GLRA2: variants seen among roughly 807,000 people sequenced by gnomAD.
The protein encoded by GLRA2 is glycine receptor subunit alpha-2.
GLRA2 carries 11 observed loss-of-function variants against 31.6 expected under a neutral mutation model. The ratio of observed to expected loss-of-function variants is 0.35; its 90% CI spans 0.22 to 0.58. GLRA2 has a LOEUF of 0.58. Ranked by LOEUF, GLRA2 falls within the 20% of genes least tolerant of loss-of-function variation. The pLI is 0.84. For missense variants in GLRA2, 212 were observed against 351.8 expected (o/e 0.60, Z 3.18); for synonymous variants, 132 against 134.0 (o/e 0.99, Z 0.10).
chrX:14,509,418 T>C, the GLRA2 span, among the ~76,000 whole-genome samples: 1 of 112,824 alleles, frequency 8.9e-6, no homozygotes, highest in Admixed American at 9.4e-5. Flanking sequence ...GGACCACCTT[T>C]CATTGATCAG....
chrX:14,472,419 A>G, the GLRA2 span, among the ~76,000 whole-genome samples: 1 of 111,299 alleles, frequency 9.0e-6, no homozygotes, highest in Non-Finnish European at 1.9e-5. Flanking sequence ...TTTGTTACAT[A>G]GGTAAATGTG....
chrX:14,501,097 C>T, the GLRA2 span, among the ~76,000 whole-genome samples: 1 of 108,630 alleles, frequency 9.2e-6, no homozygotes, highest in African/African-American at 3.4e-5. Context: ...AAGATTTATC[C>T]TACCTGCTAC....
At chrX:14,539,840 A>T (rs1483684790) in intron 2 of GLRA2, among the ~76,000 whole-genome samples, 1 of 111,766 alleles carries the variant, frequency 8.9e-6, no homozygotes, top group Non-Finnish European at 1.9e-5. Context: ...TTTTCTGATG[A>T]TGGTGGAACA....
chrX:14,723,366 T>TA (rs778745943), intron 8 of GLRA2, among the ~76,000 whole-genome samples: 1 of 112,173 alleles, frequency 8.9e-6, no homozygotes, highest in Non-Finnish European at 1.9e-5. Context: ...GCTCTCTACC[T>TA]ATACCACCAC....
the GLRA2 span, among the ~76,000 whole-genome samples, chrX:14,456,118 G>T: frequency 2.9e-4 from 32 of 111,483 alleles, no homozygotes; most frequent in African/African-American, 9.4e-4. Flanking sequence ...TGGCCTTTGT[G>T]GGGGAAGAAA....
chrX:14,565,995 T>C (rs769815515), intron 2 of GLRA2, among the ~76,000 whole-genome samples: 46 of 111,173 alleles, frequency 4.1e-4, no homozygotes, highest in African/African-American at 1.3e-3. Flanking sequence ...AGACAGAGAA[T>C]AGAAAAAGAG....
the GLRA2 span, among the ~76,000 whole-genome samples, chrX:14,470,842 A>G: frequency 8.9e-6 from 1 of 112,202 alleles, no homozygotes; most frequent in Non-Finnish European, 1.9e-5. Flanking sequence ...TATCACTGAT[A>G]TTTAAAGGAC....
At chrX:14,690,975 G>T in intron 8 of GLRA2, 116 bp downstream of exon 8, 1 of 784,687 alleles carries the variant, frequency 1.3e-6, no homozygotes, top group South Asian at 2.5e-5. Context: ...TTTTTGTTCT[G>T]ATTTGTCCTA....
At chrX:14,696,176 G>C (rs1267117452) in intron 8 of GLRA2, among the ~76,000 whole-genome samples, 1 of 101,977 alleles carries the variant, frequency 9.8e-6, no homozygotes, top group East Asian at 3.1e-4. Flanking sequence ...GAGAAGAAGG[G>C]AGGGAGAGTG....
the GLRA2 span, among the ~76,000 whole-genome samples, chrX:14,517,790 T>C: frequency 2.7e-5 from 3 of 110,896 alleles, no homozygotes; most frequent in Admixed American, 9.6e-5. Context: ...AGGAAAAAGA[T>C]GAATAAATGT....
chrX:14,622,464 T>C (rs2090532471), intron 7 of GLRA2, among the ~76,000 whole-genome samples: 2 of 112,173 alleles, frequency 1.8e-5, no homozygotes, highest in South Asian at 7.5e-4. Context: ...TGGTATTGCC[T>C]AGGTTTTCTT....
chrX:14,560,483 T>A (rs1000892431), intron 2 of GLRA2, among the ~76,000 whole-genome samples: 1 of 111,759 alleles, frequency 8.9e-6, no homozygotes, highest in Admixed American at 9.5e-5. Flanking sequence ...CCAATGTTTA[T>A]TTTTAAATAG....
Position 14,609,024 on chromosome X carries a change from T to G in GLRA2, c.749T>G (p.Leu250Arg). 8.5e-7 allele frequency: 1 copy of G among 1,174,384 alleles called. No individual in the cohort carries two copies. The change falls in exon 7 of 9, where the codon CTG becomes CGG. Residue 250 changes from leucine to arginine, a missense_variant. By Grantham distance (102) the Leu-to-Arg change is moderately radical. Coordinates refer to ENST00000218075, the MANE Select transcript of GLRA2 (RefSeq NM_002063.4). ...ACCTGCATTGAGGTCAAGTTTCATC[T>G]GGAACGCCAAATGGGATATTATTTG... The part of the protein sequence containing the change: ...KFTCIEVKFH[L>R]ERQMGYYLIQ...
At chrX:14,671,516 A>G (rs906990206) in intron 7 of GLRA2, among the ~76,000 whole-genome samples, 9 of 95,689 alleles carry the variant, frequency 9.4e-5, no homozygotes, top group African/African-American at 3.3e-4. Flanking sequence ...AACTGTGTAG[A>G]ATTCTCTTCA....
At chrX:14,483,157 G>C in the GLRA2 span, among the ~76,000 whole-genome samples, 1 of 112,058 alleles carries the variant, frequency 8.9e-6, no homozygotes, top group Non-Finnish European at 1.9e-5. Context: ...GACTAGTCAA[G>C]AAGGCGCCCA....
chrX:14,690,691 GTCTCTC>G lies in GLRA2; in HGVS notation c.931-8_931-3del. 1.1e-6 allele frequency: 1 copy of G among 926,714 alleles called. No individual in the cohort carries two copies. The highest frequency in any genetic ancestry group is 1.5e-6 in the Non-Finnish European group (1 of 658,446). The allele number at this position is 926,714 out of a possible 1,213,427, so 76.4% of individuals were successfully genotyped here. On this transcript the variant is annotated splice_polypyrimidine_tract_variant and intron_variant, in intron 7 of 8. Transcript: ENST00000218075. ...TCTCTCTCTCTCTGTGTGTGTGTGT[GTCTCTC>G]TCTCTCTCTCAGGTCTCCTATGTAA... is the stretch of plus-strand genomic sequence containing the variant.
At chrX:14,459,817 A>C in the GLRA2 span, among the ~76,000 whole-genome samples, 9 of 111,975 alleles carry the variant, frequency 8.0e-5, no homozygotes, top group Non-Finnish European at 1.3e-4. Context: ...TCATCTGCAA[A>C]CAGAGACAAT....
chrX:14,490,539 T>A, the GLRA2 span, among the ~76,000 whole-genome samples: 1 of 112,586 alleles, frequency 8.9e-6, no homozygotes, highest in Non-Finnish European at 1.9e-5. Flanking sequence ...CCTTCTGTAA[T>A]ACAAGCTCCT....
chrX:14,713,111 C>T (rs930250307), intron 8 of GLRA2, among the ~76,000 whole-genome samples: 8 of 111,833 alleles, frequency 7.2e-5, no homozygotes, highest in East Asian at 2.8e-4. Flanking sequence ...AGTTGAAGCA[C>T]GATAAAGATC....
Sources: gnomAD v4.1 joint callset for allele counts (sites outside exome capture counted in the v4.1 genomes callset) on GRCh38, gnomAD v4.1.1 for gene constraint, MANE v1.5 for transcripts, NCBI Gene and HGNC (gene_info 2026-07-23, HGNC 2026-07-21) for gene names.